BAZ2A: variants seen among roughly 807,000 people sequenced by gnomAD.
BAZ2A encodes bromodomain adjacent to zinc finger domain 2A, also known as bromodomain adjacent to zinc finger domain protein 2A.
A neutral mutation model predicts 199.9 loss-of-function variants in BAZ2A; 34 were observed. That is an observed-to-expected ratio of 0.17 (90% CI 0.13 to 0.23). The LOEUF (loss-of-function observed/expected upper bound fraction) is 0.23. Among genes scored for constraint, BAZ2A ranks in the 10% least tolerant of loss-of-function variants. The pLI, the probability that BAZ2A is intolerant of heterozygous loss-of-function variation, is 1.00. For synonymous variants in BAZ2A, 857 were observed against 883.9 expected, an observed-to-expected ratio of 0.97 and a Z score of 0.54; for missense variants, 2,002 against 2,391.1, an observed-to-expected ratio of 0.84 and a Z score of 3.39.
At chr12:56,618,759 A>G (rs913503140) in intron 1 of BAZ2A, among the ~76,000 whole-genome samples, 5 of 151,264 alleles carry the variant, frequency 3.3e-5, no homozygotes, top group Non-Finnish European at 7.4e-5. Flanking sequence ...AATCCCAGCT[A>G]CTCAGGAGGC....
chr12:56,604,135 C>T, intron 16 of BAZ2A, 82 bp downstream of exon 16: 6 of 1,365,944 alleles, frequency 4.4e-6, no homozygotes, highest in African/African-American at 2.9e-5. Context: ...TAAAGCATCA[C>T]ATTTCAAGCC....
chr12:56,599,411 C>A, intron 26 of BAZ2A, 53 bp from the exon 27 acceptor site: 1 of 1,550,024 alleles, frequency 6.5e-7, no homozygotes, highest in South Asian at 1.2e-5. Context: ...CACTGCTTGC[C>A]CTACTACAAT....
At chr12:56,606,437 G>A in intron 11 of BAZ2A, 125 bp from the exon 12 acceptor site, 1 of 1,249,502 alleles carries the variant, frequency 8.0e-7, no homozygotes, top group South Asian at 1.3e-5. Flanking sequence ...GGTTGGCAAT[G>A]GATTAATTCT....
chr12:56,621,254 C>G, intron 1 of BAZ2A: 4 of 985,376 alleles, frequency 4.1e-6, no homozygotes, highest in Non-Finnish European at 4.8e-6. Flanking sequence ...CTCTGCTGCT[C>G]TGGAAAAGCA....
Position 56,606,731 on chromosome 12 carries a change from T to C in BAZ2A, c.2095A>G (p.Thr699Ala), listed in dbSNP as rs752944169. Residue 699 changes from threonine (T) to alanine (A), a missense_variant and splice_region_variant, in exon 11 of 29, where the codon ACA (threonine) becomes GCA (alanine). By Grantham distance (58) the Thr-to-Ala change is moderately conservative (BLOSUM62 0). Coordinates refer to ENST00000549884, the MANE Select transcript of BAZ2A (RefSeq NM_001300905.2). The part of the protein sequence containing the change: ...RPLKKLEAQE[T>A]LNEEDKAKIA... ...TTTGCTTTATCCTCCTCATTCAATG[T>C]TTCTGTGAGAGCAGAAAGAAAAATG... 7.4e-6 allele frequency: 12 copies of C among 1,613,396 alleles called. No individual in the cohort carries two copies. The highest frequency in any genetic ancestry group is 1.0e-5 in the Non-Finnish European group (12 of 1,179,444).
At chr12:56,606,467 C>G in intron 11 of BAZ2A, 155 bp from the exon 12 acceptor site, 1 of 1,183,248 alleles carries the variant, frequency 8.5e-7, no homozygotes, top group Non-Finnish European at 1.2e-6. Flanking sequence ...GAGATGCCCA[C>G]GTTATTTTTG....
At chr12:56,606,344 A>C (rs1295664908) in intron 11 of BAZ2A, 32 bp from the exon 12 acceptor site, 2 of 1,611,792 alleles carry the variant, frequency 1.2e-6, no homozygotes, top group African/African-American at 2.7e-5. Flanking sequence ...ATTTCTCCTC[A>C]AACTCTGAAA....
In BAZ2A at chr12:56,600,498, TAA is replaced by T; in HGVS notation, c.4603-10_4603-9del. On this transcript the variant is annotated splice_polypyrimidine_tract_variant and intron_variant, in intron 23 of 28. Transcript: ENST00000549884. Reference sequence around the variant, plus strand: ...GCTAGGACATGTCCAGCCCTTCAGTTAAGAGAGAGGAATAAAACTCACTGTAA... The same window carrying T: ...GCTAGGACATGTCCAGCCCTTCAGTTGAGAGAGGAATAAAACTCACTGTAA... 2.5e-6 allele frequency: 4 copies of T among 1,608,768 alleles called. No homozygotes were observed. The highest frequency in any genetic ancestry group is 3.4e-6 in the Non-Finnish European group (4 of 1,177,364).
chr12:56,605,294 T>A lies in BAZ2A; in HGVS notation c.2527A>T (p.Thr843Ser), dbSNP rs368133451. ...TCTGAGAAGGCTCCACTGGGCAATG[T>A]CAGACCAGGGACTCGTGAGAAGTCA... ...LPDFSRVPGLTLPSGAFSDCL... is the reference protein window; with the variant it reads ...LPDFSRVPGLSLPSGAFSDCL... The change falls in exon 14 of 29, where the codon ACA (threonine) becomes TCA (serine). Residue 843 changes from threonine to serine, a missense_variant. Thr to Ser is a moderately conservative substitution (Grantham distance 58). Around this residue, in one of 6 missense-constraint regions of BAZ2A, gnomAD observed 1,081 missense variants for 1,274.7 expected, o/e 0.85. Transcript: ENST00000549884. 19 of 1,613,408 alleles carry A rather than the reference T, an allele frequency of 1.2e-5. No homozygotes were observed. Among genetic ancestry groups the A allele is most frequent in the Non-Finnish European group, 1.6e-5 (19 of 1,179,534 alleles).
Position 56,598,522 on chromosome 12 carries a change from G to A in BAZ2A, c.*96C>T. 6.8e-7 allele frequency: 1 copy of A among 1,460,332 alleles called. No individual in the cohort carries two copies. Among genetic ancestry groups the A allele is most frequent in the Non-Finnish European group, 9.2e-7 (1 of 1,090,108 alleles). 90.5% of individuals were successfully genotyped at this position (1,460,332 alleles called of 1,614,324 possible). A position where few individuals can be genotyped will look rare whatever the true frequency, so the allele number is the denominator to read the frequency against. ...AAAATCAGGGTTGTATCTGACTTGA[G>A]TCTGGACCCAGGGCAGCATCAGCAG... On this transcript the variant is annotated 3_prime_UTR_variant, in exon 29 of 29. Coordinates refer to ENST00000549884, the MANE Select transcript of BAZ2A (RefSeq NM_001300905.2).
At position 56,600,675 on chromosome 12, in the gene BAZ2A, G is replaced by C. The variant is rs774341849; in HGVS notation, c.4602+6C>G. 6.2e-7 allele frequency: 1 copy of C among 1,611,996 alleles called. No homozygotes were observed. Among genetic ancestry groups the C allele is most frequent in the African/African-American group, 1.3e-5 (1 of 74,982 alleles). ...ACCTTCCTACACAGTGCCAATCCCA[G>C]CATACCCGAATCTGCAGATCAGACA... On this transcript the variant is annotated splice_donor_region_variant and intron_variant, in intron 23 of 28. Coordinates refer to ENST00000549884, the MANE Select transcript of BAZ2A (RefSeq NM_001300905.2).
chr12:56,602,318 T>C (rs919167439), intron 19 of BAZ2A, 126 bp from the exon 20 acceptor site: 5 of 831,816 alleles, frequency 6.0e-6, no homozygotes, highest in African/African-American at 3.5e-5. Flanking sequence ...GAGATTCCAC[T>C]GGGAAGAGCT....
In BAZ2A at chr12:56,614,036, T is replaced by A. The variant is rs942529034; in HGVS notation, c.833A>T (p.Asp278Val). The A allele has an allele frequency of 1.9e-6, 3 of 1,613,812 alleles. No homozygotes were observed. Among genetic ancestry groups the A allele is most frequent in the Non-Finnish European group, 1.7e-6 (2 of 1,179,860 alleles). The change falls in exon 4 of 29, where the codon GAT becomes GTT. Residue 278 changes from aspartate (D) to valine (V), a missense_variant. By Grantham distance (152) the Asp-to-Val change is radical. This residue lies in a region of BAZ2A where 641 missense variants were observed against 694.5 expected (regional missense o/e 0.92). Coordinates refer to ENST00000549884, the MANE Select transcript of BAZ2A (RefSeq NM_001300905.2). The stretch of plus-strand genomic sequence containing the variant: ...CAGTTGATCAGGAAGATGTGAAGGA[T>A]CATCTAAACAGCTCACTGTGGGGTC... ...VPDPTVSCLD[D>V]PSHLPDQLED...
chr12:56,602,471 C>T (rs1300607218), intron 19 of BAZ2A, among the ~76,000 whole-genome samples: 1 of 152,198 alleles, frequency 6.6e-6, no homozygotes, highest in Non-Finnish European at 1.5e-5. Context: ...CATTTTAATC[C>T]TCTCAGTAGC....
At chr12:56,621,688 G>GT (rs1168214359) in intron 1 of BAZ2A, among the ~76,000 whole-genome samples, 6,115 of 145,596 alleles carry the variant, frequency 0.042, 387 homozygotes, top group African/African-American at 0.14. Context: ...ATAAACGTTA[G>GT]TTTTTTTTTT....
At chr12:56,630,004 C>G in intron 1 of BAZ2A, 121 bp downstream of exon 1, 1 of 735,636 alleles carries the variant, frequency 1.4e-6, no homozygotes, top group Non-Finnish European at 1.7e-6. Flanking sequence ...AAATAAGCTC[C>G]CGTCGGCTTC....
At chr12:56,627,638 A>G (rs116288496) in intron 1 of BAZ2A, among the ~76,000 whole-genome samples, 1,528 of 151,812 alleles carry the variant, frequency 0.01, 26 homozygotes, top group African/African-American at 0.034. Context: ...CAGCCTGTGC[A>G]AACTGGCAAA....
chr12:56,618,552 T>C (rs976919475), intron 1 of BAZ2A, among the ~76,000 whole-genome samples: 1 of 152,138 alleles, frequency 6.6e-6, no homozygotes, highest in African/African-American at 2.4e-5. Context: ...ACTTGATATG[T>C]GAGAAACATA....
At position 56,605,896 on chromosome 12, in the gene BAZ2A, C is replaced by T. The variant is rs1451501526; in HGVS notation, c.2427G>A (p.Gln809=). The T allele has an allele frequency of 6.3e-7, 1 of 1,594,234 alleles. No individual in the cohort carries two copies. The highest frequency in any genetic ancestry group is 8.5e-7 in the Non-Finnish European group (1 of 1,170,028). Residue 809 remains glutamine, a synonymous_variant, in exon 13 of 29, where the codon CAG becomes CAA. Transcript: ENST00000549884. ...LATQRRLEER[Q]RQQMILEEMK... is the part of the protein sequence containing the mutation. ...TTTCCTCCAAGATCATCTGCTGCCT[C>T]TGCCGTTCCTCCAAGCGCCTCTGTG...
Sources: allele counts gnomAD v4.1 joint callset (sites outside exome capture counted in the v4.1 genomes callset), GRCh38; gene constraint gnomAD v4.1.1; regional missense constraint gnomAD v4.1.1; transcripts MANE v1.5; gene names NCBI Gene and HGNC (gene_info 2026-07-23, HGNC 2026-07-21).